GPR39: variants seen among roughly 807,000 people sequenced by gnomAD.
GPR39 encodes zinc sensing receptor.
Under a neutral mutation model 18.4 loss-of-function variants are expected in GPR39, and 23 were observed. That is an observed-to-expected ratio of 1.25 (90% CI 0.90 to 1.77). The LOEUF is 1.77. Among genes scored for constraint, GPR39 ranks in the 40% most tolerant of loss-of-function variants. The pLI is 0.00. For missense variants in GPR39, 647 were observed against 602.4 expected (o/e 1.07, Z -0.78); for synonymous variants, 280 against 257.9 (o/e 1.09, Z -0.82).
Position 132,636,308 on chromosome 2 carries a change from A to G in GPR39, c.857-8793A>G, listed in dbSNP as rs1681755111. On this transcript the variant is annotated intron_variant, in intron 1 of 1. Transcript: ENST00000329321. ...TGCTCCACCCATGCTGGGCCTCCCC[A>G]GGTTGGGTTGGAAGGCCAGGCCCTG... Among the ~76,000 whole-genome samples, 2 of 152,138 alleles carry G rather than the reference A, an allele frequency of 1.3e-5. 1 individual carries two copies.
chr2:132,442,610 C>A (rs1025529093), intron 1 of GPR39, among the ~76,000 whole-genome samples: 1 of 152,180 alleles, frequency 6.6e-6, no homozygotes, highest in Non-Finnish European at 1.5e-5. Context: ...CTTTGGACTT[C>A]AGAGAAGATT....
At chr2:132,425,664 T>C (rs1264915294) in intron 1 of GPR39, among the ~76,000 whole-genome samples, 1 of 152,242 alleles carries the variant, frequency 6.6e-6, no homozygotes, top group African/African-American at 2.4e-5. Context: ...GGAGATTTTC[T>C]GTGTGGATTT....
chr2:132,470,023 G>C (rs914051513), intron 1 of GPR39, among the ~76,000 whole-genome samples: 38 of 152,158 alleles, frequency 2.5e-4, no homozygotes, highest in African/African-American at 9.2e-4. Context: ...TGCAGCAGGG[G>C]ATTAAAGGCA....
chr2:132,597,657 C>G (rs1680970026), intron 1 of GPR39, among the ~76,000 whole-genome samples: 1 of 152,190 alleles, frequency 6.6e-6, no homozygotes, highest in African/African-American at 2.4e-5. Flanking sequence ...CACTGTAAAG[C>G]CATAGGCATT....
chr2:132,638,343 G>A (rs1397669825), intron 1 of GPR39, among the ~76,000 whole-genome samples: 2 of 152,170 alleles, frequency 1.3e-5, no homozygotes, highest in Non-Finnish European at 2.9e-5. Flanking sequence ...ACTGAGCCAG[G>A]GGCTCCACCT....
chr2:132,561,420 T>G (rs1326575872), intron 1 of GPR39, among the ~76,000 whole-genome samples: 1 of 152,128 alleles, frequency 6.6e-6, no homozygotes, highest in African/African-American at 2.4e-5. Context: ...GCTGCCTTAG[T>G]GTAGGAGATG....
chr2:132,532,749 T>C (rs1573651040), intron 1 of GPR39, among the ~76,000 whole-genome samples: 3 of 152,272 alleles, frequency 2.0e-5, no homozygotes, highest in South Asian at 4.1e-4. Context: ...AAAAAACACT[T>C]GATTATCTCA....
intron 1 of GPR39, among the ~76,000 whole-genome samples, chr2:132,583,151 G>A (rs1171634830): frequency 2.0e-5 from 3 of 151,938 alleles, no homozygotes; most frequent in Non-Finnish European, 4.4e-5. Flanking sequence ...GACCTCAAGT[G>A]ATCCTCCTTC....
rs372264250 is a variant in GPR39, at chr2:132,646,087, G to A, written c.*481G>A. On this transcript the variant is annotated 3_prime_UTR_variant, in exon 2 of 2. Coordinates refer to ENST00000329321, the MANE Select transcript of GPR39 (RefSeq NM_001508.3). ...AGAGGGCTAATTTGAGGAACAGGATGGTGGTGCGGAGCCCTGGCCTGAGGG... is the reference window on the plus strand; with the variant it reads ...AGAGGGCTAATTTGAGGAACAGGATAGTGGTGCGGAGCCCTGGCCTGAGGG... The A allele has an allele frequency of 6.2e-7, 1 of 1,603,762 alleles. No individual in the cohort carries two copies. Among genetic ancestry groups the A allele is most frequent in the African/African-American group, 1.3e-5 (1 of 74,598 alleles).
At chr2:132,507,361 T>C (rs557707825) in intron 1 of GPR39, among the ~76,000 whole-genome samples, 82 of 152,342 alleles carry the variant, frequency 5.4e-4, no homozygotes, top group African/African-American at 1.8e-3. Flanking sequence ...GGTAAGCCCC[T>C]GTCCTGCTAC....
At chr2:132,485,160 A>T (rs1210946701) in intron 1 of GPR39, among the ~76,000 whole-genome samples, 2 of 152,260 alleles carry the variant, frequency 1.3e-5, no homozygotes, top group African/African-American at 4.8e-5. Flanking sequence ...TTCCCAGTGC[A>T]TATAAAATTT....
chr2:132,429,613 G>A (rs1680188792), intron 1 of GPR39, among the ~76,000 whole-genome samples: 1 of 152,226 alleles, frequency 6.6e-6, no homozygotes, highest in Admixed American at 6.5e-5. Context: ...TCTCTTTGGG[G>A]TTAAAGCCAG....
At position 132,557,902 on chromosome 2, in the gene GPR39, G is replaced by C. The variant is rs114075624; in HGVS notation, c.857-87199G>C. ...TCAGGGTTCACTCGGCAAGTCTGGT[G>C]ACCTTGCTGTGGCACCTAGATAAGG... is the stretch of plus-strand genomic sequence containing the variant. On this transcript the variant is annotated intron_variant, in intron 1 of 1. Transcript: ENST00000329321. Among the ~76,000 whole-genome samples, 1,205 of 151,838 alleles carry C rather than the reference G, an allele frequency of 7.9e-3. 17 individuals carry two copies. Among genetic ancestry groups the C allele is most frequent in the African/African-American group, 0.028 (1,146 of 41,420 alleles).
intron 1 of GPR39, among the ~76,000 whole-genome samples, chr2:132,419,389 GA>G (rs1426623328): frequency 5.9e-5 from 9 of 152,190 alleles, no homozygotes; most frequent in Admixed American, 3.9e-4. Context: ...TCAGGGCAGA[GA>G]AATGCATGTC....
At chr2:132,493,294 T>C (rs978590366) in intron 1 of GPR39, among the ~76,000 whole-genome samples, 5 of 146,306 alleles carry the variant, frequency 3.4e-5, no homozygotes, top group African/African-American at 1.2e-4. Flanking sequence ...ATACCATATA[T>C]ATACACCATA....
At chr2:132,452,210 A>G (rs562078011) in intron 1 of GPR39, among the ~76,000 whole-genome samples, 4 of 152,186 alleles carry the variant, frequency 2.6e-5, no homozygotes, top group East Asian at 1.9e-4. Context: ...TTCTTTCTTT[A>G]TCTTTGGAGT....
intron 1 of GPR39, among the ~76,000 whole-genome samples, chr2:132,464,170 G>C (rs938164886): frequency 2.6e-5 from 4 of 152,200 alleles, no homozygotes; most frequent in Non-Finnish European, 5.9e-5. Context: ...TGAAGAAGAA[G>C]TATCACATGA....
intron 1 of GPR39, among the ~76,000 whole-genome samples, chr2:132,435,273 CT>C (rs1227104140): frequency 2.6e-5 from 4 of 152,194 alleles, no homozygotes; most frequent in East Asian, 1.9e-4. Context: ...TCTGCCACCC[CT>C]GAGACAGTAA....
chr2:132,644,954 A>G, intron 1 of GPR39, 147 bp from the exon 2 acceptor site: 1 of 863,754 alleles, frequency 1.2e-6, no homozygotes. Context: ...AGAAGCTGTC[A>G]AGTCCAACAC....
Sources: allele counts gnomAD v4.1 joint callset (sites outside exome capture counted in the v4.1 genomes callset), GRCh38; gene constraint gnomAD v4.1.1; transcripts MANE v1.5; gene names NCBI Gene and HGNC (gene_info 2026-07-23, HGNC 2026-07-21).